DAB1: variants seen among roughly 807,000 people sequenced by gnomAD.
DAB1 encodes disabled homolog 1.
In DAB1, 15 loss-of-function variants were observed where a neutral mutation model predicts 64.6. That is an observed-to-expected ratio of 0.23 (90% CI 0.16 to 0.36). The LOEUF (loss-of-function observed/expected upper bound fraction) is 0.36. DAB1 is among the 10% of genes least tolerant of loss of function. DAB1 has a pLI of 1.00. For synonymous variants in DAB1, 235 were observed against 251.9 expected (o/e 0.93, Z 0.64); for missense variants, 596 against 706.7 (o/e 0.84, Z 1.78).
intron 1 of DAB1, among the ~76,000 whole-genome samples, chr1:57,299,240 T>C (rs1045398603): frequency 1.3e-5 from 2 of 152,236 alleles, no homozygotes; most frequent in Non-Finnish European, 2.9e-5. Context: ...GGTAAAATCT[T>C]GAATTAAACA....
At position 58,381,739 on chromosome 1, in the gene DAB1, G is replaced by A. The variant is rs1034167544; in HGVS notation, n.258-38336C>T. ...TATTGCAGCTCATAGTTCTTTTCTGGGTATGTTAACTGGGTGATAACCATT... is the reference window on the plus strand; with the variant it reads ...TATTGCAGCTCATAGTTCTTTTCTGAGTATGTTAACTGGGTGATAACCATT... On this transcript the variant is annotated intron_variant and non_coding_transcript_variant, in intron 3 of 20. Transcript: ENST00000485760. Among the ~76,000 whole-genome samples the A allele has an allele frequency of 2.6e-5, 4 of 152,142 alleles. No homozygotes were observed. In the East Asian group the frequency reaches 7.7e-4, roughly 29 times the overall value.
At chr1:57,395,191 A>T (rs974614453) in intron 1 of DAB1, among the ~76,000 whole-genome samples, 2 of 151,892 alleles carry the variant, frequency 1.3e-5, no homozygotes, top group African/African-American at 2.4e-5. Context: ...CGCTCAGCTA[A>T]TTTTTTGTAT....
Position 57,994,451 on chromosome 1 carries a change from G to T in DAB1, n.388-110289C>A, listed in dbSNP as rs115478840. ...AGAAGTGAGGTCAGAAGCTGAAGCC[G>T]TTGTGTTTGTAAGAGACTCAGAGCA... On this transcript the variant is annotated intron_variant and non_coding_transcript_variant, in intron 5 of 20. Transcript: ENST00000485760. Among the ~76,000 whole-genome samples the T allele has an allele frequency of 8.7e-3, 1,325 of 152,268 alleles. 14 individuals carry two copies. The highest frequency in any genetic ancestry group is 0.03 in the African/African-American group (1,238 of 41,560).
chr1:58,417,686 G>C (rs968756895), intron 3 of DAB1, among the ~76,000 whole-genome samples: 1 of 152,154 alleles, frequency 6.6e-6, no homozygotes, highest in Non-Finnish European at 1.5e-5. Flanking sequence ...TTGAAGTGCT[G>C]CTGCTAGGTG....
At chr1:57,478,895 C>T (rs576924968) in intron 7 of DAB1, among the ~76,000 whole-genome samples, 22 of 152,094 alleles carry the variant, frequency 1.4e-4, no homozygotes, top group African/African-American at 4.8e-4. Flanking sequence ...CCACTGCGCC[C>T]GGCCCGGTTC....
intron 1 of DAB1, among the ~76,000 whole-genome samples, chr1:57,357,944 A>ACAGGCAAAC (rs1470252278): frequency 6.6e-5 from 10 of 152,148 alleles, no homozygotes; most frequent in Middle Eastern, 3.4e-3. Context: ...GGGTGGAGAC[A>ACAGGCAAAC]CAGGCAAACC....
chr1:58,023,020 C>T (rs1440287250), intron 5 of DAB1, among the ~76,000 whole-genome samples: 2 of 152,166 alleles, frequency 1.3e-5, no homozygotes, highest in Non-Finnish European at 2.9e-5. Flanking sequence ...ACATACTCAA[C>T]ATTTCAGTCC....
At chr1:57,954,435 G>T (rs1645343637) in intron 5 of DAB1, among the ~76,000 whole-genome samples, 1 of 152,154 alleles carries the variant, frequency 6.6e-6, no homozygotes, top group South Asian at 2.1e-4. Context: ...GGGTGATGAT[G>T]CCTAGGAAGT....
At chr1:57,290,863 T>C (rs565773993) in intron 2 of DAB1, 101 bp downstream of exon 2, 34 of 631,940 alleles carry the variant, frequency 5.4e-5, no homozygotes, top group African/African-American at 1.9e-4. Flanking sequence ...TTTAAAAATA[T>C]ATGCAATCAT....
At chr1:57,521,374 C>A (rs79868793) in intron 7 of DAB1, among the ~76,000 whole-genome samples, 8,487 of 152,192 alleles carry the variant, frequency 0.056, 803 homozygotes, top group African/African-American at 0.19. Flanking sequence ...GGCAGATAAT[C>A]CCACCAGTCT....
chr1:57,107,903 G>A (rs570239046), intron 4 of DAB1, among the ~76,000 whole-genome samples: 1 of 152,120 alleles, frequency 6.6e-6, no homozygotes, highest in African/African-American at 2.4e-5. Flanking sequence ...GTGCATTTCT[G>A]TTTCATCTCT....
At chr1:57,974,724 T>C (rs1015759999) in intron 5 of DAB1, among the ~76,000 whole-genome samples, 2 of 152,156 alleles carry the variant, frequency 1.3e-5, no homozygotes, top group African/African-American at 2.4e-5. Flanking sequence ...CTTGCACATA[T>C]ATCTTCCATA....
chr1:58,427,054 G>A (rs1408569444), intron 3 of DAB1, among the ~76,000 whole-genome samples: 7 of 152,140 alleles, frequency 4.6e-5, no homozygotes, highest in Admixed American at 6.5e-5. Context: ...TGCCAGGAGC[G>A]GTCAAGAAGC....
intron 6 of DAB1, among the ~76,000 whole-genome samples, chr1:57,775,970 C>G (rs982545230): frequency 2.0e-5 from 3 of 150,978 alleles, no homozygotes; most frequent in Admixed American, 1.3e-4. Context: ...AGTATTTATC[C>G]CTGGTAAAAT....
chr1:57,441,101 T>G (rs914485855), intron 7 of DAB1, among the ~76,000 whole-genome samples: 1 of 152,140 alleles, frequency 6.6e-6, no homozygotes, highest in African/African-American at 2.4e-5. Context: ...TAGCTCCCAC[T>G]TATAAGTGAG....
chr1:57,040,801 A>G (rs1428036166), intron 9 of DAB1, among the ~76,000 whole-genome samples: 1 of 152,220 alleles, frequency 6.6e-6, no homozygotes, highest in Non-Finnish European at 1.5e-5. Flanking sequence ...TCCTAACAAG[A>G]TTTGGCATCA....
chr1:58,092,065 G>T (rs1184994137), intron 5 of DAB1, among the ~76,000 whole-genome samples: 4 of 151,886 alleles, frequency 2.6e-5, no homozygotes, highest in Non-Finnish European at 5.9e-5. Context: ...CACCGGGAGC[G>T]ATGGCTCACA....
At chr1:58,110,382 T>A (rs1424411377) in intron 5 of DAB1, among the ~76,000 whole-genome samples, 1 of 152,202 alleles carries the variant, frequency 6.6e-6, no homozygotes, top group African/African-American at 2.4e-5. Flanking sequence ...GTGTAGCAAA[T>A]GCTATCAGAA....
At chr1:57,768,173 T>TC in intron 6 of DAB1, among the ~76,000 whole-genome samples, 1 of 49,330 alleles carries the variant, frequency 2.0e-5, no homozygotes, top group South Asian at 1.1e-3. Context: ...CGAGAATCTG[T>TC]CTAAAAAAAA....
Sources: allele counts gnomAD v4.1 joint callset (sites outside exome capture counted in the v4.1 genomes callset), GRCh38; gene constraint gnomAD v4.1.1; transcripts MANE v1.5; gene names NCBI Gene and HGNC (gene_info 2026-07-23, HGNC 2026-07-21).